The following TPD52L1 variants were observed in gnomAD, a reference collection of about 807,000 sequenced individuals.
TPD52L1 encodes tumor protein D53.
A neutral mutation model predicts 28.7 loss-of-function variants in TPD52L1; 18 were observed. The observed-to-expected ratio is 0.63, with a 90% CI of 0.43 to 0.93. TPD52L1 has a LOEUF of 0.93. Ranked by LOEUF, TPD52L1 falls within the 40% of genes least tolerant of loss-of-function variation. The pLI, the probability that TPD52L1 is intolerant of heterozygous loss-of-function variation, is 0.00. For synonymous variants in TPD52L1, 75 were observed against 88.8 expected (o/e 0.84, Z 0.88); for missense variants, 203 against 254.8 (o/e 0.80, Z 1.39).
At chr6:125,214,272 A>T (rs1054126585) in intron 1 of TPD52L1, among the ~76,000 whole-genome samples, 2 of 152,104 alleles carry the variant, frequency 1.3e-5, no homozygotes, top group Non-Finnish European at 2.9e-5. Flanking sequence ...GAGGGTAGAG[A>T]GTGGGTCTGA....
At chr6:125,219,014 C>G (rs549099102) in intron 1 of TPD52L1, among the ~76,000 whole-genome samples, 2 of 152,220 alleles carry the variant, frequency 1.3e-5, no homozygotes, top group African/African-American at 4.8e-5. Flanking sequence ...ACTCCTACCC[C>G]CTAAAACCGG....
intron 1 of TPD52L1, among the ~76,000 whole-genome samples, chr6:125,216,784 G>A (rs579532): frequency 0.5 from 76,194 of 151,378 alleles, 19,490 homozygotes; most frequent in East Asian, 0.65. Context: ...TCTGATGAAC[G>A]TGGATCAGCA....
intron 3 of TPD52L1, among the ~76,000 whole-genome samples, chr6:125,247,512 C>T (rs1209385859): frequency 6.6e-6 from 1 of 152,124 alleles, no homozygotes; most frequent in Admixed American, 6.5e-5. Flanking sequence ...ATCCATCATA[C>T]CTCTTTCTTT....
Position 125,170,068 on chromosome 6 carries a change from T to C in TPD52L1, c.19+16098T>C, listed in dbSNP as rs1359079670. 2.6e-5 allele frequency among the ~76,000 whole-genome samples: 4 copies of C among 152,184 alleles called. No homozygotes were observed. In the East Asian group the frequency reaches 7.7e-4, roughly 29 times the overall value. On this transcript the variant is annotated intron_variant, in intron 1 of 6. Coordinates refer to ENST00000534000, the MANE Select transcript of TPD52L1 (RefSeq NM_003287.4). ...TAAATATTGCTTGTCAGTACTACCC[T>C]TAGATCTGGCAACTGGACCCAGATC... is the stretch of plus-strand genomic sequence containing the variant.
intron 3 of TPD52L1, among the ~76,000 whole-genome samples, chr6:125,230,376 A>G (rs1453980509): frequency 6.6e-6 from 1 of 152,224 alleles, no homozygotes; most frequent in East Asian, 1.9e-4. Context: ...CTTTATCCCT[A>G]GCCGTAACTT....
At chr6:125,228,469 G>A (rs1795751269) in intron 2 of TPD52L1, among the ~76,000 whole-genome samples, 3 of 152,148 alleles carry the variant, frequency 2.0e-5, no homozygotes, top group African/African-American at 7.2e-5. Flanking sequence ...CCTTTCTTAA[G>A]GCATTAGCTT....
intron 4 of TPD52L1, among the ~76,000 whole-genome samples, chr6:125,249,581 G>A (rs1231798210): frequency 6.6e-6 from 1 of 150,982 alleles, no homozygotes; most frequent in Non-Finnish European, 1.5e-5. Flanking sequence ...AGTCCCAGCT[G>A]CTGAGGAGGC....
At chr6:125,232,634 T>G (rs1453490826) in intron 3 of TPD52L1, among the ~76,000 whole-genome samples, 9 of 152,204 alleles carry the variant, frequency 5.9e-5, no homozygotes, top group Non-Finnish European at 1.0e-4. Context: ...CCTATTTAGT[T>G]TGATTTATAA....
chr6:125,205,199 C>T (rs1050131362), intron 1 of TPD52L1, among the ~76,000 whole-genome samples: 14 of 152,294 alleles, frequency 9.2e-5, no homozygotes, highest in Admixed American at 8.5e-4. Flanking sequence ...AATACAATTT[C>T]TGGACCTAAG....
At chr6:125,197,441 C>T (rs1793515718) in intron 1 of TPD52L1, among the ~76,000 whole-genome samples, 1 of 152,128 alleles carries the variant, frequency 6.6e-6, no homozygotes, top group Admixed American at 6.5e-5. Context: ...TATTTTTCGG[C>T]AACTCATTTT....
chr6:125,172,161 CTTT>C lies in TPD52L1; in HGVS notation c.19+18192_19+18194del, dbSNP rs1473367115. The stretch of plus-strand genomic sequence containing the variant: ...CTTTCTTTCTTTCTTTCTTTCTTTT[CTTT>C]CTTTCTTTCTTTCTTTCTTTCTTTC... On this transcript the variant is annotated intron_variant, in intron 1 of 6. Coordinates refer to ENST00000534000, the MANE Select transcript of TPD52L1 (RefSeq NM_003287.4). 3.2e-4 allele frequency among the ~76,000 whole-genome samples: 16 copies of C among 50,582 alleles called. 2 individuals carry two copies. Among genetic ancestry groups the C allele is most frequent in the East Asian group, 1.5e-3 (2 of 1,332 alleles). The allele number at this position is 50,582 out of a possible 152,430, so 33.2% of individuals were successfully genotyped here. A position where few individuals can be genotyped will look rare whatever the true frequency, so the allele number is the denominator to read the frequency against.
chr6:125,249,026 G>A (rs565311787), intron 4 of TPD52L1, among the ~76,000 whole-genome samples: 14 of 151,768 alleles, frequency 9.2e-5, no homozygotes, highest in Admixed American at 3.9e-4. Context: ...TAAAATAAGG[G>A]TGACCATCAA....
chr6:125,228,110 G>A (rs531898125), intron 2 of TPD52L1, among the ~76,000 whole-genome samples: 3 of 152,276 alleles, frequency 2.0e-5, no homozygotes, highest in South Asian at 2.1e-4. Context: ...GCAAAAATGA[G>A]TGTATACTCT....
At chr6:125,196,605 G>A (rs1394953955) in intron 1 of TPD52L1, among the ~76,000 whole-genome samples, 1 of 152,172 alleles carries the variant, frequency 6.6e-6, no homozygotes, top group Non-Finnish European at 1.5e-5. Flanking sequence ...GCAAAGAAAT[G>A]CTTATTTTAT....
chr6:125,185,785 C>G (rs1371601381), intron 1 of TPD52L1, among the ~76,000 whole-genome samples: 3 of 151,956 alleles, frequency 2.0e-5, no homozygotes, highest in Admixed American at 1.3e-4. Context: ...CAAACCCCCT[C>G]TGAAACCTTT....
intron 1 of TPD52L1, among the ~76,000 whole-genome samples, chr6:125,161,279 T>C (rs541214): frequency 0.55 from 83,553 of 152,118 alleles, 25,811 homozygotes; most frequent in African/African-American, 0.85. Flanking sequence ...CTGGATTAGA[T>C]TTTCACTTAA....
intron 1 of TPD52L1, among the ~76,000 whole-genome samples, chr6:125,205,218 G>A (rs1794042773): frequency 1.3e-5 from 2 of 152,208 alleles, no homozygotes; most frequent in Admixed American, 1.3e-4. Context: ...AGAAAACACA[G>A]GTGAAGCCTT....
chr6:125,264,082 A>G lies in TPD52L1; in HGVS notation c.*1120A>G, dbSNP rs775317612. 1 of 152,200 alleles carries G rather than the reference A, an allele frequency of 6.6e-6. No individual in the cohort carries two copies. The highest frequency in any genetic ancestry group is 1.5e-5 in the Non-Finnish European group (1 of 68,036). The allele number at this position is 152,200 out of a possible 1,614,324, so 9.4% of individuals were successfully genotyped here. ...TTCTGCAACCCCTTTCAGTTTGTAAATTGTTCACATGTATGAAAATAACTG... is the reference window on the plus strand; with the variant it reads ...TTCTGCAACCCCTTTCAGTTTGTAAGTTGTTCACATGTATGAAAATAACTG... On this transcript the variant is annotated 3_prime_UTR_variant, in exon 7 of 7. Coordinates refer to ENST00000534000, the MANE Select transcript of TPD52L1 (RefSeq NM_003287.4).
At chr6:125,208,664 T>A (rs1033704699) in intron 1 of TPD52L1, among the ~76,000 whole-genome samples, 5 of 152,148 alleles carry the variant, frequency 3.3e-5, no homozygotes, top group African/African-American at 1.2e-4. Context: ...CCTTACACCC[T>A]CATGCTAGGA....
Sources: gnomAD v4.1 joint callset for allele counts (sites outside exome capture counted in the v4.1 genomes callset) on GRCh38, gnomAD v4.1.1 for gene constraint, MANE v1.5 for transcripts, NCBI Gene and HGNC (gene_info 2026-07-23, HGNC 2026-07-21) for gene names.